NHSL2: variants seen among roughly 807,000 people sequenced by gnomAD.
NHSL2 encodes the protein NHS-like protein 2.
Under a neutral mutation model 53.4 loss-of-function variants are expected in NHSL2, and 27 were observed. That is an observed-to-expected ratio of 0.51 (90% CI 0.37 to 0.70). NHSL2 has a LOEUF of 0.70. Among genes scored for constraint, NHSL2 ranks in the 30% least tolerant of loss-of-function variants. The pLI is 0.00. For missense variants in NHSL2, 892 were observed against 980.1 expected (o/e 0.91, Z 1.20); for synonymous variants, 408 against 404.1 (o/e 1.01, Z -0.12).
At chrX:71,955,905 A>G (rs1487319745) in intron 1 of NHSL2, among the ~76,000 whole-genome samples, 1 of 110,773 alleles carries the variant, frequency 9.0e-6, no homozygotes, top group Admixed American at 9.6e-5. Context: ...CTCGCCCTGG[A>G]GTACCACATG....
chrX:72,009,260 G>A (rs903364345), intron 1 of NHSL2, among the ~76,000 whole-genome samples: 4 of 112,716 alleles, frequency 3.5e-5, no homozygotes, highest in African/African-American at 9.7e-5. Flanking sequence ...GAGGGATGCC[G>A]CCAACTCATG....
At position 71,916,432 on chromosome X, in the gene NHSL2, T is replaced by C. The variant is rs911130618; in HGVS notation, c.280+5065T>C. Reference sequence around the variant, plus strand: ...GGCCTCAAATCGTCTTTTCCTTAGATCATTATTTTCTAGCCTCGAAAAGTG... The same window carrying C: ...GGCCTCAAATCGTCTTTTCCTTAGACCATTATTTTCTAGCCTCGAAAAGTG... On this transcript the variant is annotated intron_variant, in intron 1 of 7. Coordinates refer to ENST00000633930, the MANE Select transcript of NHSL2 (RefSeq NM_001013627.3). Among the ~76,000 whole-genome samples the C allele has an allele frequency of 1.9e-4, 21 of 111,969 alleles. No homozygotes were observed. The Admixed American group carries it at 1.9e-3, about 10-fold the overall frequency.
chrX:71,951,729 A>G (rs909039454), intron 1 of NHSL2, among the ~76,000 whole-genome samples: 2 of 112,095 alleles, frequency 1.8e-5, no homozygotes, highest in African/African-American at 6.5e-5. Context: ...CCATTGTTTT[A>G]TAGGTTAGAA....
chrX:72,088,713 C>G (rs950087333), intron 1 of NHSL2, among the ~76,000 whole-genome samples: 1 of 111,861 alleles, frequency 8.9e-6, no homozygotes, highest in Non-Finnish European at 1.9e-5. Context: ...GTGATTGCAC[C>G]ACTGCACTCC....
intron 1 of NHSL2, among the ~76,000 whole-genome samples, chrX:71,968,609 A>C (rs1230903777): frequency 9.0e-6 from 1 of 111,432 alleles, no homozygotes; most frequent in East Asian, 2.8e-4. Flanking sequence ...ATCATTGCCT[A>C]ACCCAATATC....
intron 1 of NHSL2, among the ~76,000 whole-genome samples, chrX:72,051,394 A>T (rs2042339676): frequency 8.9e-6 from 1 of 112,069 alleles, no homozygotes; most frequent in Admixed American, 9.4e-5. Context: ...ATCTGTAGAT[A>T]TTGCAAAATC....
chrX:72,107,275 T>A (rs1054425442), intron 1 of NHSL2, among the ~76,000 whole-genome samples: 27 of 110,167 alleles, frequency 2.5e-4, no homozygotes, highest in African/African-American at 4.3e-4. Flanking sequence ...TACAAAAAAA[T>A]TAAATAAATA....
In NHSL2 at chrX:72,146,226, G is replaced by C. The variant is rs1018217764; in HGVS notation, c.*2652G>C. Reference sequence around the variant, plus strand: ...CTCATTTAATATTTTGCAACAGGTAGACGTCCCAAATAAACAACCAAACTG... The same window carrying C: ...CTCATTTAATATTTTGCAACAGGTACACGTCCCAAATAAACAACCAAACTG... On this transcript the variant is annotated 3_prime_UTR_variant, in exon 8 of 8. Transcript: ENST00000633930. 1 of 112,159 alleles carries C rather than the reference G, an allele frequency of 8.9e-6. No individual in the cohort carries two copies. The highest frequency in any genetic ancestry group is 3.2e-5 in the African/African-American group (1 of 30,823). The allele number at this position is 112,159 out of a possible 1,213,427, so 9.2% of individuals were successfully genotyped here. A position where few individuals can be genotyped will look rare whatever the true frequency, so the allele number is the denominator to read the frequency against.
At chrX:71,920,594 T>C (rs1248244101) in intron 1 of NHSL2, among the ~76,000 whole-genome samples, 1 of 111,723 alleles carries the variant, frequency 9.0e-6, no homozygotes, top group Non-Finnish European at 1.9e-5. Flanking sequence ...ACCGTGCAGC[T>C]TAGGTGAAGA....
At chrX:72,030,349 A>G (rs1315895782) in intron 1 of NHSL2, among the ~76,000 whole-genome samples, 2 of 112,366 alleles carry the variant, frequency 1.8e-5, no homozygotes, top group East Asian at 5.6e-4. Context: ...GTGCATTCTG[A>G]TAAGTGGGGT....
At chrX:71,930,321 A>G (rs904051585) in intron 1 of NHSL2, among the ~76,000 whole-genome samples, 4 of 110,500 alleles carry the variant, frequency 3.6e-5, no homozygotes, top group Admixed American at 2.9e-4. Context: ...TCATTCCCCA[A>G]CTCTTAGTAT....
intron 1 of NHSL2, among the ~76,000 whole-genome samples, chrX:72,032,189 C>G (rs776799302): frequency 9.0e-6 from 1 of 111,279 alleles, no homozygotes; most frequent in South Asian, 3.8e-4. Flanking sequence ...GTCAGGAGTT[C>G]AAGACCAGCT....
intron 1 of NHSL2, among the ~76,000 whole-genome samples, chrX:72,096,162 G>T (rs2041942219): frequency 9.0e-6 from 1 of 110,787 alleles, no homozygotes; most frequent in South Asian, 3.8e-4. Flanking sequence ...AGGAGAGGGG[G>T]CTGGGAGGCC....
rs777052348 is a variant in NHSL2, at chrX:72,130,548, C to T, written c.281-1531C>T. 3.3e-6 allele frequency: 4 copies of T among 1,209,004 alleles called. No individual in the cohort carries two copies. In the African/African-American group the frequency reaches 5.3e-5, roughly 16 times the overall value. On this transcript the variant is annotated intron_variant, in intron 1 of 7. Coordinates refer to ENST00000633930, the MANE Select transcript of NHSL2 (RefSeq NM_001013627.3). Reference sequence around the variant, plus strand: ...CTTCACTTTCTTCCTCATTGGGACTCGGAGCAAAAGGGAAGATGATATTTC... The same window carrying T: ...CTTCACTTTCTTCCTCATTGGGACTTGGAGCAAAAGGGAAGATGATATTTC...
chrX:72,048,475 G>A (rs1005496332), intron 1 of NHSL2, among the ~76,000 whole-genome samples: 7 of 110,219 alleles, frequency 6.4e-5, no homozygotes, highest in African/African-American at 1.7e-4. Context: ...CCACTTTCTC[G>A]GAATTCAAGA....
intron 1 of NHSL2, among the ~76,000 whole-genome samples, chrX:72,024,720 G>T (rs1396260770): frequency 9.0e-6 from 1 of 111,630 alleles, no homozygotes. Flanking sequence ...TCACATTACG[G>T]TTGTGGCAGG....
At chrX:72,037,565 T>A (rs1270085553) in intron 1 of NHSL2, among the ~76,000 whole-genome samples, 1 of 111,834 alleles carries the variant, frequency 8.9e-6, no homozygotes, top group Non-Finnish European at 1.9e-5. Flanking sequence ...CCTAACTTGG[T>A]CCCTACTGAT....
intron 1 of NHSL2, among the ~76,000 whole-genome samples, chrX:72,017,150 C>T (rs763372083): frequency 8.9e-6 from 1 of 112,062 alleles, no homozygotes; most frequent in Non-Finnish European, 1.9e-5. Context: ...TAGGGGAAGA[C>T]GGGCTGGGTA....
chrX:72,116,021 A>G (rs2147484734), intron 1 of NHSL2, among the ~76,000 whole-genome samples: 1 of 111,546 alleles, frequency 9.0e-6, no homozygotes, highest in South Asian at 3.8e-4. Context: ...CTCAAGCTTG[A>G]GACCCCCTAG....
Sources: gnomAD v4.1 joint callset for allele counts (sites outside exome capture counted in the v4.1 genomes callset) on GRCh38, gnomAD v4.1.1 for gene constraint, MANE v1.5 for transcripts, NCBI Gene and HGNC (gene_info 2026-07-23, HGNC 2026-07-21) for gene names.